PPP1R42: variants seen among roughly 807,000 people sequenced by gnomAD.
PPP1R42 encodes the protein protein phosphatase 1 regulatory subunit 42.
A neutral mutation model predicts 31.0 loss-of-function variants in PPP1R42; 34 were observed. That is an observed-to-expected ratio of 1.10 (90% CI 0.83 to 1.46). The LOEUF (loss-of-function observed/expected upper bound fraction) is 1.46. PPP1R42 is among the 40% of genes most tolerant of loss of function. PPP1R42 has a pLI of 0.00. For missense variants in PPP1R42, 268 were observed against 303.0 expected, an observed-to-expected ratio of 0.88 and a Z score of 0.86; for synonymous variants, 103 against 109.8, an observed-to-expected ratio of 0.94 and a Z score of 0.39.
chr8:67,016,875 G>A (rs1178670069), intron 2 of PPP1R42, among the ~76,000 whole-genome samples: 2 of 151,996 alleles, frequency 1.3e-5, no homozygotes, highest in Non-Finnish European at 2.9e-5. Context: ...TTCCCTCACT[G>A]TTAAACTTTT....
intron 4 of PPP1R42, among the ~76,000 whole-genome samples, chr8:67,012,361 A>G (rs992162138): frequency 6.6e-6 from 1 of 152,218 alleles, no homozygotes; most frequent in Non-Finnish European, 1.5e-5. Flanking sequence ...GAGGATTAGC[A>G]GGAGCCTAAG....
At chr8:66,992,601 C>T (rs913204944) in intron 5 of PPP1R42, among the ~76,000 whole-genome samples, 1 of 152,204 alleles carries the variant, frequency 6.6e-6, no homozygotes, top group Non-Finnish European at 1.5e-5. Context: ...ATTCACTTGA[C>T]TCCTTTTCTA....
At chr8:67,004,731 CTTTT>C (rs1815619190) in intron 5 of PPP1R42, among the ~76,000 whole-genome samples, 1 of 152,010 alleles carries the variant, frequency 6.6e-6, no homozygotes, top group African/African-American at 2.4e-5. Context: ...GGAATTCTTT[CTTTT>C]TGTTTCCGTT....
At chr8:67,026,958 T>C (rs1392030449) in intron 1 of PPP1R42, 1 of 150,706 alleles carries the variant, frequency 6.6e-6, no homozygotes, top group East Asian at 1.9e-4. Context: ...TGGAGTTCAG[T>C]GGTGCGATTT....
intron 5 of PPP1R42, among the ~76,000 whole-genome samples, chr8:67,003,020 C>T (rs1278482612): frequency 6.7e-6 from 1 of 149,926 alleles, no homozygotes; most frequent in Admixed American, 6.6e-5. Flanking sequence ...AAAAAATTAG[C>T]TGGGCGTGGT....
At chr8:66,981,275 C>G (rs1053849654) in intron 7 of PPP1R42, among the ~76,000 whole-genome samples, 1 of 152,002 alleles carries the variant, frequency 6.6e-6, no homozygotes, top group Non-Finnish European at 1.5e-5. Flanking sequence ...TATTATAATC[C>G]AAATTTTCAG....
At chr8:67,009,704 T>C (rs1815788411) in intron 5 of PPP1R42, among the ~76,000 whole-genome samples, 1 of 152,250 alleles carries the variant, frequency 6.6e-6, no homozygotes, top group Non-Finnish European at 1.5e-5. Context: ...ACATCCACCC[T>C]GATTATTCAA....
chr8:66,966,844 A>G (rs1814395657), intron 7 of PPP1R42, among the ~76,000 whole-genome samples: 2 of 152,338 alleles, frequency 1.3e-5, no homozygotes, highest in South Asian at 4.1e-4. Context: ...GGCATTTTAA[A>G]ATGGAAAATA....
intron 7 of PPP1R42, among the ~76,000 whole-genome samples, chr8:66,973,978 T>C (rs1025684152): frequency 6.6e-6 from 1 of 152,210 alleles, no homozygotes; most frequent in African/African-American, 2.4e-5. Flanking sequence ...CCTTTATCCA[T>C]TCATCTGTCC....
intron 5 of PPP1R42, among the ~76,000 whole-genome samples, chr8:67,005,666 C>G (rs958534482): frequency 6.6e-6 from 1 of 152,120 alleles, no homozygotes; most frequent in Non-Finnish European, 1.5e-5. Flanking sequence ...CTACATCCTG[C>G]TCATCAACAA....
At chr8:66,994,044 A>G (rs1438546759) in intron 5 of PPP1R42, among the ~76,000 whole-genome samples, 1 of 152,106 alleles carries the variant, frequency 6.6e-6, no homozygotes, top group Non-Finnish European at 1.5e-5. Flanking sequence ...CCATTTATAT[A>G]TCCTCCTGTC....
intron 6 of PPP1R42, chr8:66,985,532 ACGGGCC>A: frequency 7.8e-7 from 1 of 1,278,882 alleles, no homozygotes; most frequent in East Asian, 2.3e-5. Flanking sequence ...TGGAGATTAG[ACGGGCC>A]CACCATGTTG....
chr8:67,017,779 GCT>G lies in PPP1R42; in HGVS notation c.-34_-33del, dbSNP rs556986300. 5.7e-3 allele frequency: 8,776 copies of G among 1,549,880 alleles called. 38 individuals are homozygous for G. Among genetic ancestry groups the G allele is most frequent in the South Asian group, 0.01 (793 of 75,780 alleles). ...TTTATAAATCAAACTCTCAGCAAAA[GCT>G]CTGTTTTGACACCATGTCAAGAAGT... On this transcript the variant is annotated 5_prime_UTR_variant, in exon 2 of 8. The change abolishes the stop of an existing upstream ORF in the 5' untranslated region. Transcript: ENST00000685739.
In PPP1R42 at chr8:66,966,049, CTTT is replaced by C. The variant is rs552735881; in HGVS notation, c.803-1718_803-1716del. Among the ~76,000 whole-genome samples, 89 of 152,326 alleles carry C rather than the reference CTTT, an allele frequency of 5.8e-4. No individual in the cohort carries two copies. In the East Asian group the frequency reaches 0.016, roughly 28 times the overall value. ...TCCCTATCCTAGCCAGCATTACCAGCTTTTGTTTTTTCTTTTTATCCATTCTAG... is the reference window on the plus strand; with the variant it reads ...TCCCTATCCTAGCCAGCATTACCAGCTGTTTTTTCTTTTTATCCATTCTAG... On this transcript the variant is annotated intron_variant, in intron 7 of 7. Coordinates refer to ENST00000685739, the MANE Select transcript of PPP1R42 (RefSeq NM_001364910.1).
chr8:67,020,053 A>C (rs1585687753), intron 1 of PPP1R42, among the ~76,000 whole-genome samples: 2 of 152,314 alleles, frequency 1.3e-5, no homozygotes, highest in East Asian at 1.9e-4. Flanking sequence ...ATCAGAACAC[A>C]TGGTGTGAAA....
chr8:66,986,640 G>A (rs1433228920), intron 6 of PPP1R42, among the ~76,000 whole-genome samples: 3 of 152,186 alleles, frequency 2.0e-5, no homozygotes, highest in Non-Finnish European at 4.4e-5. Flanking sequence ...TCTGTTTCCC[G>A]GACTAAGCCT....
chr8:66,987,980 C>G (rs1015786711), intron 6 of PPP1R42, among the ~76,000 whole-genome samples: 1 of 152,082 alleles, frequency 6.6e-6, no homozygotes, highest in African/African-American at 2.4e-5. Flanking sequence ...AAAGGGATTC[C>G]TGTATGTTCT....
chr8:67,022,127 C>T (rs775074610), intron 1 of PPP1R42, among the ~76,000 whole-genome samples: 3 of 152,154 alleles, frequency 2.0e-5, no homozygotes, highest in Non-Finnish European at 4.4e-5. Flanking sequence ...TTACCACTGG[C>T]AAGTAAAAGA....
intron 7 of PPP1R42, among the ~76,000 whole-genome samples, chr8:66,971,579 C>T (rs930050282): frequency 2.0e-5 from 3 of 152,108 alleles, no homozygotes. Context: ...TAGGGACAGC[C>T]CTATTCACCT....
Sources: gnomAD v4.1 joint callset for allele counts (sites outside exome capture counted in the v4.1 genomes callset) on GRCh38, gnomAD v4.1.1 for gene constraint, MANE v1.5 for transcripts, NCBI Gene and HGNC (gene_info 2026-07-23, HGNC 2026-07-21) for gene names.